Variants in ABCD3 observed in about 807,000 individuals in gnomAD.
The protein encoded by ABCD3 is ATP-binding cassette sub-family D member 3.
ABCD3 carries 41 observed loss-of-function variants against 105.5 expected under a neutral mutation model. The ratio of observed to expected loss-of-function variants is 0.39; its 90% CI spans 0.30 to 0.50. The LOEUF is 0.50. Among genes scored for constraint, ABCD3 ranks in the 20% least tolerant of loss-of-function variants. The pLI, the probability that ABCD3 is intolerant of heterozygous loss-of-function variation, is 0.84. For synonymous variants in ABCD3, 258 were observed against 269.0 expected, an observed-to-expected ratio of 0.96 and a Z score of 0.40; for missense variants, 622 against 806.3, an observed-to-expected ratio of 0.77 and a Z score of 2.77.
At chr1:94,514,265 A>T (rs1288705467) in intron 21 of ABCD3, 1 of 151,818 alleles carries the variant, frequency 6.6e-6, no homozygotes, top group African/African-American at 2.4e-5. Context: ...GCACTGGAGG[A>T]TGTTTAGAAA....
chr1:94,495,616 A>G (rs538583298), intron 16 of ABCD3, among the ~76,000 whole-genome samples: 41 of 152,308 alleles, frequency 2.7e-4, no homozygotes, highest in African/African-American at 9.6e-4. Context: ...AAGTCTGGTT[A>G]TTATTTATAT....
At chr1:94,460,855 A>C (rs541362983) in intron 2 of ABCD3, among the ~76,000 whole-genome samples, 1 of 152,098 alleles carries the variant, frequency 6.6e-6, no homozygotes, top group African/African-American at 2.4e-5. Context: ...GTGATCTCTC[A>C]TGTCTAAGTT....
chr1:94,479,085 C>G (rs1461758212), intron 8 of ABCD3, among the ~76,000 whole-genome samples: 1 of 152,052 alleles, frequency 6.6e-6, no homozygotes, highest in East Asian at 1.9e-4. Flanking sequence ...TATTTCCATA[C>G]TGGTTTTTGT....
At chr1:94,478,709 T>A in intron 8 of ABCD3, 1 of 960,550 alleles carries the variant, frequency 1.0e-6, no homozygotes, top group Non-Finnish European at 1.4e-6. Context: ...AAAACAGAAG[T>A]TCTTAAACCA....
chr1:94,416,948 T>C (rs1303617261), upstream of ABCD3, among the ~76,000 whole-genome samples: 1 of 152,218 alleles, frequency 6.6e-6, no homozygotes, highest in Non-Finnish European at 1.5e-5. Flanking sequence ...CAATCACATT[T>C]CTACATAGCT....
chr1:94,445,447 A>G (rs1416302366), intron 1 of ABCD3, among the ~76,000 whole-genome samples: 1 of 152,188 alleles, frequency 6.6e-6, no homozygotes, highest in Non-Finnish European at 1.5e-5. Context: ...TCAGGGTAAC[A>G]TTGGGACAAG....
intron 1 of ABCD3, among the ~76,000 whole-genome samples, chr1:94,445,520 G>T (rs1459742356): frequency 1.3e-5 from 2 of 152,146 alleles, no homozygotes; most frequent in Non-Finnish European, 2.9e-5. Flanking sequence ...AGAGTATAAC[G>T]AAGTAACAGA....
intron 1 of ABCD3, among the ~76,000 whole-genome samples, chr1:94,450,389 C>T (rs554066207): frequency 1.4e-4 from 22 of 152,236 alleles, no homozygotes; most frequent in Non-Finnish European, 2.6e-4. Flanking sequence ...GTGACATGTT[C>T]CTGATGGCCA....
At chr1:94,512,335 T>C (rs1366489391) in intron 21 of ABCD3, among the ~76,000 whole-genome samples, 2 of 151,972 alleles carry the variant, frequency 1.3e-5, no homozygotes, top group Non-Finnish European at 2.9e-5. Flanking sequence ...AAATGAGATA[T>C]AAAAGATACC....
chr1:94,443,826 TGTA>T (rs1465805369), intron 1 of ABCD3, among the ~76,000 whole-genome samples: 3 of 152,142 alleles, frequency 2.0e-5, no homozygotes, highest in African/African-American at 7.2e-5. Flanking sequence ...GTATTGTGTT[TGTA>T]TAGAAATTTT....
the ABCD3 span, among the ~76,000 whole-genome samples, chr1:94,397,192 C>T: frequency 2.6e-5 from 4 of 152,184 alleles, no homozygotes; most frequent in Admixed American, 2.6e-4. Context: ...ACCTTTCATC[C>T]AGCTTCCCCT....
At position 94,473,752 on chromosome 1, in the gene ABCD3, G is replaced by A. The variant is rs1251144873; in HGVS notation, c.336-14G>A. On this transcript the variant is annotated splice_polypyrimidine_tract_variant and intron_variant, in intron 4 of 22. Coordinates refer to ENST00000370214, the MANE Select transcript of ABCD3 (RefSeq NM_002858.4). ...TTCTTTTGCAACTAATGCATTGCAT[G>A]TGGTGGTTTGCAGTGGTATCATTGG... 3.1e-6 allele frequency: 5 copies of A among 1,608,418 alleles called. No individual in the cohort carries two copies. In the East Asian group the frequency reaches 6.7e-5, roughly 22 times the overall value.
At position 94,489,809 on chromosome 1, in the gene ABCD3, G is replaced by A. The variant is rs1313405193; in HGVS notation, c.1242G>A (p.Gln414=). The change falls in exon 14 of 23, where the codon CAG becomes CAA. Residue 414 remains glutamine, a synonymous_variant. Coordinates refer to ENST00000370214, the MANE Select transcript of ABCD3 (RefSeq NM_002858.4). ...ATGAGCGCACAATGGTCTCACAACA[G>A]GAAAAGGGTAAATATGAGTGTCACA... ...GKYERTMVSQ[Q]EKGIEGVQVI... The A allele has an allele frequency of 6.2e-7, 1 of 1,613,018 alleles. No homozygotes were observed.
chr1:94,511,328 C>T (rs1211609925), intron 21 of ABCD3, among the ~76,000 whole-genome samples: 1 of 152,182 alleles, frequency 6.6e-6, no homozygotes, highest in Non-Finnish European at 1.5e-5. Flanking sequence ...CCCCCACTCT[C>T]TTCTGGCTTG....
chr1:94,502,003 C>T (rs921726740), intron 20 of ABCD3, among the ~76,000 whole-genome samples: 2 of 151,966 alleles, frequency 1.3e-5, no homozygotes, highest in South Asian at 2.1e-4. Context: ...CTTTCCTGTC[C>T]AGTACAGACT....
intron 16 of ABCD3, among the ~76,000 whole-genome samples, chr1:94,497,740 T>C (rs1335425999): frequency 6.6e-6 from 1 of 152,228 alleles, no homozygotes; most frequent in Non-Finnish European, 1.5e-5. Context: ...TGTACACTCA[T>C]TGCAATATTA....
chr1:94,439,393 G>T (rs1048205055), intron 1 of ABCD3, among the ~76,000 whole-genome samples: 4 of 151,852 alleles, frequency 2.6e-5, no homozygotes, highest in African/African-American at 9.7e-5. Flanking sequence ...TATAATCCCA[G>T]CACTTTGGGA....
chr1:94,453,078 T>C (rs928389391), intron 1 of ABCD3, among the ~76,000 whole-genome samples: 2 of 151,988 alleles, frequency 1.3e-5, no homozygotes, highest in African/African-American at 4.8e-5. Flanking sequence ...CAAGTTTGGG[T>C]GTCAGTGTTT....
At position 94,418,569 on chromosome 1, in the gene ABCD3, C is replaced by G; in HGVS notation, c.91C>G (p.Arg31Gly). ...GCTCTGCCTGCTCCACAAGCGGCGCCGCGCCCTCGGCCTGCACGGGTAAGA... is the reference window on the plus strand; with the variant it reads ...GCTCTGCCTGCTCCACAAGCGGCGCGGCGCCCTCGGCCTGCACGGGTAAGA... ...LLLCLLHKRRRALGLHGKKSG... is the reference protein window; with the variant it reads ...LLLCLLHKRRGALGLHGKKSG... The change falls in exon 1 of 23, where the codon CGC becomes GGC. Residue 31 changes from arginine (R) to glycine (G), a missense_variant. Coordinates refer to ENST00000370214, the MANE Select transcript of ABCD3 (RefSeq NM_002858.4). The G allele has an allele frequency of 6.2e-7, 1 of 1,600,510 alleles. No individual in the cohort carries two copies.
Sources: gnomAD v4.1 joint callset for allele counts (sites outside exome capture counted in the v4.1 genomes callset) on GRCh38, gnomAD v4.1.1 for gene constraint, MANE v1.5 for transcripts, NCBI Gene and HGNC (gene_info 2026-07-23, HGNC 2026-07-21) for gene names.